POU2F2: variants seen among roughly 807,000 people sequenced by gnomAD.
POU2F2 encodes the protein POU class 2 homeobox 2.
In POU2F2, 14 loss-of-function variants were observed where a neutral mutation model predicts 63.5. That is an observed-to-expected ratio of 0.22 (90% CI 0.15 to 0.34). The LOEUF is 0.34. POU2F2 is among the 10% of genes least tolerant of loss of function. The probability of loss-of-function intolerance (pLI) is 1.00; values close to 1 mark genes in which losing one functional copy is unlikely to be tolerated. For synonymous variants in POU2F2, 306 were observed against 348.6 expected (o/e 0.88, Z 1.36); for missense variants, 607 against 815.2 (o/e 0.74, Z 3.11).
intron 5 of POU2F2, among the ~76,000 whole-genome samples, chr19:42,100,636 A>C (rs997990875): frequency 3.9e-5 from 6 of 152,054 alleles, no homozygotes; most frequent in Admixed American, 1.3e-4. Flanking sequence ...CTGTAGTCCC[A>C]GCTACTCCGG....
chr19:42,088,937 T>C lies in POU2F2; in HGVS notation c.*2320A>G, dbSNP rs2076631105. ...CCGTCGCCCAGCCCAACAGTTTCAT[T>C]TCCCGGGTGGGAGAAGGGAGACAAG... On this transcript the variant is annotated 3_prime_UTR_variant, in exon 15 of 15. Coordinates refer to ENST00000692977, the MANE Select transcript of POU2F2 (RefSeq NM_001394376.1). The C allele has an allele frequency of 6.6e-6, 1 of 152,632 alleles. No individual in the cohort carries two copies. The highest frequency in any genetic ancestry group is 2.4e-5 in the African/African-American group (1 of 41,448). The allele number at this position is 152,632 out of a possible 1,614,324, so 9.5% of individuals were successfully genotyped here.
At chr19:42,144,375 C>A (rs943351169) in intron 2 of POU2F2, among the ~76,000 whole-genome samples, 1 of 152,232 alleles carries the variant, frequency 6.6e-6, no homozygotes, top group African/African-American at 2.4e-5. Context: ...GGAGTGCCCA[C>A]CTGGCCTCAC....
chr19:42,089,191 A>C lies in POU2F2; in HGVS notation c.*2066T>G, dbSNP rs1007101988. 5 of 152,726 alleles carry C rather than the reference A, an allele frequency of 3.3e-5. 1 individual carries two copies. Among genetic ancestry groups the C allele is most frequent in the Middle Eastern group, 3.3e-3 (1 of 304 alleles). 9.5% of individuals were successfully genotyped at this position (152,726 alleles called of 1,614,324 possible). The stretch of plus-strand genomic sequence containing the variant: ...TGGTTTGAGGAGAGACACAGAAAGA[A>C]CAAGATTGAGAGAGAAGAGAGGAGA... On this transcript the variant is annotated 3_prime_UTR_variant, in exon 15 of 15. Transcript: ENST00000692977.
intron 2 of POU2F2, among the ~76,000 whole-genome samples, chr19:42,147,744 A>C (rs2034260448): frequency 6.6e-6 from 1 of 152,244 alleles, no homozygotes; most frequent in South Asian, 2.1e-4. Context: ...CCAAATAGTC[A>C]ATGAATATTG....
chr19:42,104,807 A>G (rs1233350779), intron 5 of POU2F2, among the ~76,000 whole-genome samples: 1 of 151,928 alleles, frequency 6.6e-6, no homozygotes, highest in African/African-American at 2.4e-5. Context: ...ACCCCCACCC[A>G]CCCAAACAGT....
At chr19:42,187,284 C>A (rs972316121) in intron 1 of POU2F2, among the ~76,000 whole-genome samples, 1 of 151,138 alleles carries the variant, frequency 6.6e-6, no homozygotes, top group African/African-American at 2.4e-5. Context: ...GCCAACATGG[C>A]GAAACCCCGT....
intron 5 of POU2F2, 115 bp from the exon 6 acceptor site, chr19:42,099,936 C>T: frequency 2.5e-6 from 2 of 807,122 alleles, no homozygotes; most frequent in Non-Finnish European, 4.0e-6. Flanking sequence ...ACATGGCGAT[C>T]TGGCACTGGG....
chr19:42,195,068 AGGAAGGAAGGGAGGGAGGAAGGG>A (rs1470228746), intron 1 of POU2F2, among the ~76,000 whole-genome samples: 201 of 20,092 alleles, frequency 0.01, 1 homozygote, highest in East Asian at 0.016. Flanking sequence ...GGAGGGAGGG[AGGAAGGAAGGGAGGGAGGAAGGG>A]AGGAAGGAAG....
chr19:42,188,236 C>T (rs2035034280), intron 1 of POU2F2, among the ~76,000 whole-genome samples: 1 of 151,356 alleles, frequency 6.6e-6, no homozygotes, highest in African/African-American at 2.4e-5. Context: ...CGTGGTGGTG[C>T]GTGCCTGTGG....
At chr19:42,138,649 C>T (rs906624812) in intron 2 of POU2F2, among the ~76,000 whole-genome samples, 9 of 151,954 alleles carry the variant, frequency 5.9e-5, no homozygotes, top group South Asian at 2.1e-4. Flanking sequence ...TGGTCCAAGG[C>T]GGCAGGGGAG....
chr19:42,152,641 C>T lies in POU2F2; in HGVS notation c.-9+7691G>A, dbSNP rs949330715. 3 of 152,446 alleles carry T rather than the reference C, an allele frequency of 2.0e-5. No individual in the cohort carries two copies. The highest frequency in any genetic ancestry group is 7.2e-5 in the African/African-American group (3 of 41,416). The allele number at this position is 152,446 out of a possible 1,614,324, so 9.4% of individuals were successfully genotyped here. On this transcript the variant is annotated intron_variant, in intron 2 of 6. Transcript: ENST00000524801. This position sits in a 1 kb window ranked among gnomAD's most constrained non-coding sequence, Gnocchi z 4.1. ...CCCAGGCCTCTGAGGGGCCAGGCAC[C>T]CCCCACCACTCCCCTACAGCAGGAG... is the stretch of plus-strand genomic sequence containing the variant.
At chr19:42,115,316 C>T (rs1170403892) in intron 5 of POU2F2, among the ~76,000 whole-genome samples, 1 of 152,076 alleles carries the variant, frequency 6.6e-6, no homozygotes, top group Admixed American at 6.6e-5. Context: ...ATGGAACGGG[C>T]CATTATTGGG....
intron 1 of POU2F2, among the ~76,000 whole-genome samples, chr19:42,171,432 G>T (rs112887420): frequency 0.12 from 8,029 of 66,496 alleles, 713 homozygotes; most frequent in African/African-American, 0.42. Context: ...GCTGCGCTTC[G>T]TGTGTGTGTG....
intron 1 of POU2F2, among the ~76,000 whole-genome samples, chr19:42,174,008 A>T (rs190905150): frequency 3.9e-5 from 6 of 152,250 alleles, no homozygotes; most frequent in Non-Finnish European, 8.8e-5. Flanking sequence ...GGTCCAGGGA[A>T]GCTTTTCATG....
upstream of POU2F2, among the ~76,000 whole-genome samples, chr19:42,197,929 G>A (rs369668642): frequency 6.6e-6 from 1 of 152,048 alleles, no homozygotes; most frequent in Non-Finnish European, 1.5e-5. Flanking sequence ...TAATCCCAGC[G>A]CTTTGGGAGG....
chr19:42,131,092 C>T (rs1446021842), intron 1 of POU2F2, among the ~76,000 whole-genome samples: 4 of 139,466 alleles, frequency 2.9e-5, no homozygotes, highest in Admixed American at 2.1e-4. Context: ...TGCCTGTGCC[C>T]ACCACCCCAG....
At position 42,091,527 on chromosome 19, in the gene POU2F2, C is replaced by T. The variant is rs2076713032; in HGVS notation, c.1605G>A (p.Gly535=). 2 of 1,546,886 alleles carry T rather than the reference C, an allele frequency of 1.3e-6. No homozygotes were observed. The highest frequency in any genetic ancestry group is 2.7e-5 in the African/African-American group (2 of 72,966). Residue 535 remains glycine (G), a synonymous_variant, in exon 15 of 15, where the codon GGG becomes GGA. Transcript: ENST00000692977. ...GGCTCCCCGGGGCTGCACCGGCTGC[C>T]CCCAGCACCAGATTCCCGCTGCCAT... ...SLDGSGNLVL[G]AAGAAPGSPG...
At chr19:42,168,235 T>C (rs1220583369) in intron 1 of POU2F2, among the ~76,000 whole-genome samples, 2 of 152,142 alleles carry the variant, frequency 1.3e-5, no homozygotes, top group Non-Finnish European at 2.9e-5. Flanking sequence ...CTCCAGGGGC[T>C]ACCCATCCTG....
At chr19:42,196,561 T>TC (rs2035147990) in exon 1 of POU2F2, 1 of 152,358 alleles carries the variant, frequency 6.6e-6, no homozygotes, top group South Asian at 2.1e-4. Context: ...CACGCCGGCC[T>TC]CCCACATCTC....
Sources: allele counts gnomAD v4.1 joint callset (sites outside exome capture counted in the v4.1 genomes callset), GRCh38; gene constraint gnomAD v4.1.1; non-coding constraint Gnocchi (gnomAD v3.1); transcripts MANE v1.5; gene names NCBI Gene and HGNC (gene_info 2026-07-23, HGNC 2026-07-21).